Variants in ZNF347 observed in about 807,000 individuals in gnomAD.
ZNF347 encodes the protein zinc finger protein 347.
In ZNF347, 19 loss-of-function variants were observed where a neutral mutation model predicts 12.9. The observed-to-expected ratio is 1.47, with a 90% CI of 1.03 to 2.16. The LOEUF (loss-of-function observed/expected upper bound fraction) is 2.16, where lower values mean the gene tolerates loss of function less well. Among genes scored for constraint, ZNF347 ranks in the 30% most tolerant of loss-of-function variants. The pLI is 0.00. For missense variants in ZNF347, 1,005 were observed against 990.6 expected (o/e 1.01, Z -0.19); for synonymous variants, 328 against 340.6 (o/e 0.96, Z 0.41).
intron 1 of ZNF347, among the ~76,000 whole-genome samples, chr19:53,157,376 C>T (rs1189880457): frequency 6.6e-6 from 1 of 152,042 alleles, no homozygotes; most frequent in East Asian, 1.9e-4. Context: ...GTGTGTTTCC[C>T]TCCCTCATCC....
rs2090398144 is a variant in ZNF347, at chr19:53,138,319, T to G, written c.*1989A>C. On this transcript the variant is annotated 3_prime_UTR_variant, in exon 5 of 5. Transcript: ENST00000334197. ...TTTTTGTAGAGACAGGGTTTTGCCA[T>G]GTTGTCCTGGCTGGTTCAAACTCCT... 1 of 151,930 alleles carries G rather than the reference T, an allele frequency of 6.6e-6. No homozygotes were observed. Among genetic ancestry groups the G allele is most frequent in the South Asian group, 2.1e-4 (1 of 4,834 alleles). The allele number at this position is 151,930 out of a possible 1,614,324, so 9.4% of individuals were successfully genotyped here. A position where few individuals can be genotyped will look rare whatever the true frequency, so the allele number is the denominator to read the frequency against.
Position 53,139,226 on chromosome 19 carries a change from G to T in ZNF347, c.*1082C>A, listed in dbSNP as rs2090404132. Reference sequence around the variant, plus strand: ...TGTCTTTCTCTCAGAAAAGCACCCTGAACACAATCAGTATGATGATTGATA... The same window carrying T: ...TGTCTTTCTCTCAGAAAAGCACCCTTAACACAATCAGTATGATGATTGATA... On this transcript the variant is annotated 3_prime_UTR_variant, in exon 5 of 5. Coordinates refer to ENST00000334197, the MANE Select transcript of ZNF347 (RefSeq NM_032584.3). 6.6e-6 allele frequency: 1 copy of T among 152,148 alleles called. No individual in the cohort carries two copies. The highest frequency in any genetic ancestry group is 1.5e-5 in the Non-Finnish European group (1 of 68,028). The allele number at this position is 152,148 out of a possible 1,614,324, so 9.4% of individuals were successfully genotyped here.
rs956507345 is a variant in ZNF347 at position 53,136,114 on chromosome 19, C to T, written c.*4194G>A. On this transcript the variant is annotated 3_prime_UTR_variant, in exon 5 of 5. Coordinates refer to ENST00000334197, the MANE Select transcript of ZNF347 (RefSeq NM_032584.3). The stretch of plus-strand genomic sequence containing the variant: ...TTTACTTCTCCAGATGCTGGTTAAC[C>T]TCCACACGCTTGATTTTCAAGCATC... 5 of 151,292 alleles carry T rather than the reference C, an allele frequency of 3.3e-5. No individual in the cohort carries two copies. The highest frequency in any genetic ancestry group is 6.6e-5 in the Admixed American group (1 of 15,086). 9.4% of individuals were successfully genotyped at this position (151,292 alleles called of 1,614,324 possible).
At position 53,158,109 on chromosome 19, in the gene ZNF347, T is replaced by C. The variant is rs1001269209; in HGVS notation, c.-47+900A>G. 7.2e-5 allele frequency among the ~76,000 whole-genome samples: 11 copies of C among 152,312 alleles called. 1 individual carries two copies. Among genetic ancestry groups the C allele is most frequent in the African/African-American group, 2.6e-4 (11 of 41,574 alleles). ...AGGTTTGGACTAAGACGCCTGCATC[T>C]TGGAGGAGCGCATTTTCCAGGGGCT... On this transcript the variant is annotated intron_variant, in intron 1 of 4. Coordinates refer to ENST00000334197, the MANE Select transcript of ZNF347 (RefSeq NM_032584.3).
At chr19:53,147,115 C>T (rs561251174) in intron 4 of ZNF347, among the ~76,000 whole-genome samples, 162 of 152,228 alleles carry the variant, frequency 1.1e-3, no homozygotes, top group African/African-American at 3.5e-3. Flanking sequence ...TGGCTCACGC[C>T]TGTAATCCCA....
At chr19:53,157,726 CTCG>C (rs1290267959) in intron 1 of ZNF347, among the ~76,000 whole-genome samples, 1 of 152,124 alleles carries the variant, frequency 6.6e-6, no homozygotes, top group Admixed American at 6.5e-5. Flanking sequence ...TTCTGCTCTC[CTCG>C]TCACCGGCTG....
chr19:53,144,708 G>A (rs953071774), intron 4 of ZNF347, among the ~76,000 whole-genome samples: 2 of 152,090 alleles, frequency 1.3e-5, no homozygotes, highest in South Asian at 2.1e-4. Context: ...AGTTCACAGT[G>A]CACTGCAGCC....
In ZNF347 at chr19:53,135,323, T is replaced by C. The variant is rs866170745; in HGVS notation, c.*4985A>G. 4 of 52,586 alleles carry C rather than the reference T, an allele frequency of 7.6e-5. No homozygotes were observed. The East Asian group carries it at 2.2e-3, about 29-fold the overall frequency. The allele number at this position is 52,586 out of a possible 1,614,324, so 3.3% of individuals were successfully genotyped here. On this transcript the variant is annotated 3_prime_UTR_variant, in exon 5 of 5. Coordinates refer to ENST00000334197, the MANE Select transcript of ZNF347 (RefSeq NM_032584.3). The stretch of plus-strand genomic sequence containing the variant: ...AAATATATATATATATATATATATA[T>C]ATATATATATATATATAGAGAGAGA...
chr19:53,157,794 T>C (rs546992285), intron 1 of ZNF347, among the ~76,000 whole-genome samples: 2 of 152,196 alleles, frequency 1.3e-5, no homozygotes, highest in East Asian at 3.9e-4. Context: ...TCCAAATCCC[T>C]CCTCCTCTCC....
chr19:53,139,987 G>A lies in ZNF347; in HGVS notation c.*321C>T, dbSNP rs1341905182. ...ACGATCTTGGCTCACTGCAACCTCCGCCTCCTGGGTTCAAGTGATTCTCCT... is the reference window on the plus strand; with the variant it reads ...ACGATCTTGGCTCACTGCAACCTCCACCTCCTGGGTTCAAGTGATTCTCCT... On this transcript the variant is annotated 3_prime_UTR_variant, in exon 5 of 5. Transcript: ENST00000334197. 4 of 205,270 alleles carry A rather than the reference G, an allele frequency of 1.9e-5. No homozygotes were observed. The highest frequency in any genetic ancestry group is 2.3e-4 in the East Asian group (2 of 8,554). The allele number at this position is 205,270 out of a possible 1,614,324, so 12.7% of individuals were successfully genotyped here. A position where few individuals can be genotyped will look rare whatever the true frequency, so the allele number is the denominator to read the frequency against.
intron 2 of ZNF347, 24 bp from the exon 3 acceptor site, chr19:53,149,391 AG>A: frequency 6.2e-7 from 1 of 1,612,778 alleles, no homozygotes; most frequent in Non-Finnish European, 8.5e-7. Context: ...CACATCCACC[AG>A]GGGGATATAA....
chr19:53,148,641 T>G (rs1427856754), intron 4 of ZNF347, 40 bp downstream of exon 4: 3 of 1,590,246 alleles, frequency 1.9e-6, no homozygotes, highest in Non-Finnish European at 2.6e-6. Context: ...CCAAACACTA[T>G]TTAATAAACG....
At chr19:53,152,999 A>C (rs942955193) in intron 2 of ZNF347, among the ~76,000 whole-genome samples, 1 of 152,198 alleles carries the variant, frequency 6.6e-6, no homozygotes, top group African/African-American at 2.4e-5. Context: ...ATGGGAAAGA[A>C]GTTCTGCTCC....
chr19:53,153,651 T>G (rs2090513276), intron 2 of ZNF347, 82 bp downstream of exon 2: 1 of 1,563,092 alleles, frequency 6.4e-7, no homozygotes, highest in Non-Finnish European at 8.8e-7. Flanking sequence ...CGCTTCAGAC[T>G]CAGAGAAGAT....
intron 1 of ZNF347, among the ~76,000 whole-genome samples, chr19:53,154,079 TGGACTGAGCTCCCCCATTCA>T (rs2090516093): frequency 6.6e-6 from 1 of 152,120 alleles, no homozygotes; most frequent in Non-Finnish European, 1.5e-5. Context: ...GGAGCTGGGC[TGGACTGAGCTCCCCCATTCA>T]GGGCACAGAC....
chr19:53,151,127 T>A (rs2090494372), intron 2 of ZNF347, among the ~76,000 whole-genome samples: 1 of 152,224 alleles, frequency 6.6e-6, no homozygotes, highest in African/African-American at 2.4e-5. Flanking sequence ...CCCATCTTAC[T>A]AGCAGATAAA....
At position 53,149,231 on chromosome 19, in the gene ZNF347, T is replaced by C. The variant is rs2090482021; in HGVS notation, c.142+10A>G. ...GCAGATCCTGACTTCTGGAAGAAAG[T>C]CATCCTCACCCAGGGAGGCCAGGTT... is the stretch of plus-strand genomic sequence containing the variant. On this transcript the variant is annotated intron_variant, in intron 3 of 4. Transcript: ENST00000334197. 1 of 1,610,768 alleles carries C rather than the reference T, an allele frequency of 6.2e-7. No individual in the cohort carries two copies. Among genetic ancestry groups the C allele is most frequent in the African/African-American group, 1.3e-5 (1 of 74,624 alleles).
In ZNF347 at chr19:53,140,787, A is replaced by T. The variant is rs774147567; in HGVS notation, c.2041T>A (p.Tyr681Asn). The change falls in exon 5 of 5, where the codon TAC becomes AAC. Residue 681 changes from tyrosine to asparagine, a missense_variant. Tyr to Asn is a moderately radical substitution (Grantham distance 143, BLOSUM62 -2). Transcript: ENST00000334197. ...HRRVHTGGKP[Y>N]QCNECGKAFS... ...GCTTTGCCACATTCATTACACTGGT[A>T]AGGTTTACCTCCAGTATGAACTCTC... 1.1e-5 allele frequency: 18 copies of T among 1,613,212 alleles called. No homozygotes were observed. The highest frequency in any genetic ancestry group is 1.5e-5 in the Non-Finnish European group (18 of 1,179,550).
rs1431612369 is a variant in ZNF347, at chr19:53,135,323, TATATATATATATATATAGAGAG to T, written c.*4963_*4984del. Reference sequence around the variant, plus strand: ...AAATATATATATATATATATATATATATATATATATATATATAGAGAGAGAGAGAGAGAGAGAGAGAGAGAAA... The same window carrying T: ...AAATATATATATATATATATATATATAGAGAGAGAGAGAGAGAGAGAGAAA... On this transcript the variant is annotated 3_prime_UTR_variant, in exon 5 of 5. Transcript: ENST00000334197. 1.7e-4 allele frequency: 9 copies of T among 52,586 alleles called. No homozygotes were observed. Among genetic ancestry groups the T allele is most frequent in the East Asian group, 7.4e-4 (1 of 1,348 alleles). 3.3% of individuals were successfully genotyped at this position (52,586 alleles called of 1,614,324 possible). A position where few individuals can be genotyped will look rare whatever the true frequency, so the allele number is the denominator to read the frequency against.
Sources: gnomAD v4.1 joint callset for allele counts (sites outside exome capture counted in the v4.1 genomes callset) on GRCh38, gnomAD v4.1.1 for gene constraint, MANE v1.5 for transcripts, NCBI Gene and HGNC (gene_info 2026-07-23, HGNC 2026-07-21) for gene names.